Variants in CCDC171 observed in about 807,000 individuals in gnomAD.
CCDC171 encodes coiled-coil domain-containing protein 171.
In CCDC171, 177 loss-of-function variants were observed where a neutral mutation model predicts 168.2. The ratio of observed to expected loss-of-function variants is 1.05; its 90% CI spans 0.93 to 1.19. The LOEUF is 1.19. Among genes scored for constraint, CCDC171 ranks in the 50% most tolerant of loss-of-function variants. The pLI is 0.00. For synonymous variants in CCDC171, 687 were observed against 540.8 expected (o/e 1.27, Z -3.75); for missense variants, 1,991 against 1,539.0 (o/e 1.29, Z -4.91).
intron 18 of CCDC171, among the ~76,000 whole-genome samples, chr9:15,769,927 G>A (rs2056926077): frequency 6.6e-6 from 1 of 152,098 alleles, no homozygotes; most frequent in South Asian, 2.1e-4. Flanking sequence ...CATAAAATTT[G>A]AACCATGGAT....
At chr9:15,694,214 C>A (rs2051038639) in intron 10 of CCDC171, among the ~76,000 whole-genome samples, 1 of 152,098 alleles carries the variant, frequency 6.6e-6, no homozygotes, top group African/African-American at 2.4e-5. Flanking sequence ...TTGTCCTAGG[C>A]TCTTTTCATT....
intron 11 of CCDC171, among the ~76,000 whole-genome samples, chr9:15,698,911 G>C (rs1001397588): frequency 6.6e-6 from 1 of 152,072 alleles, no homozygotes. Context: ...CTATATCTTG[G>C]TTATTGTGAA....
At chr9:15,631,803 A>G (rs1587587708) in intron 7 of CCDC171, among the ~76,000 whole-genome samples, 1 of 152,360 alleles carries the variant, frequency 6.6e-6, no homozygotes, top group East Asian at 1.9e-4. Flanking sequence ...CCAGCAGCAC[A>G]TCAAAAAGCT....
At position 15,990,968 on chromosome 9, in the gene CCDC171, A is replaced by T. The variant is rs577518765; in HGVS notation, n.369-29621A>T. Among the ~76,000 whole-genome samples the T allele has an allele frequency of 5.9e-5, 9 of 152,308 alleles. No homozygotes were observed. In the South Asian group the frequency reaches 1.9e-3, roughly 32 times the overall value. On this transcript the variant is annotated intron_variant and non_coding_transcript_variant, in intron 3 of 9. Coordinates refer to the CCDC171 transcript ENST00000486641. ...ACAAAGAGACTTAGACTCCCACACA[A>T]TAATAATGGGAGACTTTAACACCCC...
intron 3 of CCDC171, among the ~76,000 whole-genome samples, chr9:16,008,884 C>G (rs1480323123): frequency 6.6e-6 from 1 of 152,172 alleles, no homozygotes; most frequent in Non-Finnish European, 1.5e-5. Context: ...CTATCTCCCA[C>G]CCTAGCCCTC....
intron 9 of CCDC171, among the ~76,000 whole-genome samples, chr9:15,673,025 T>C (rs2049237189): frequency 6.6e-6 from 1 of 152,228 alleles, no homozygotes; most frequent in Admixed American, 6.5e-5. Context: ...TCCTCTTTTA[T>C]TTCCTTGAGC....
intron 3 of CCDC171, among the ~76,000 whole-genome samples, chr9:16,000,486 C>A (rs1462670356): frequency 6.6e-6 from 1 of 152,042 alleles, no homozygotes; most frequent in African/African-American, 2.4e-5. Flanking sequence ...TTAACACTTT[C>A]CATTTTCTAA....
chr9:15,743,486 C>A (rs755848979), intron 16 of CCDC171, among the ~76,000 whole-genome samples: 1 of 152,046 alleles, frequency 6.6e-6, no homozygotes, highest in Non-Finnish European at 1.5e-5. Context: ...TAATTTTACT[C>A]TTTCTTTCAA....
chr9:15,557,651 G>T (rs2038921212), intron 1 of CCDC171, among the ~76,000 whole-genome samples: 1 of 152,116 alleles, frequency 6.6e-6, no homozygotes, highest in Non-Finnish European at 1.5e-5. Flanking sequence ...AGACGATGGG[G>T]TTTTCTAAAT....
rs140466017 is a variant in CCDC171, at chr9:15,923,788, G to A, written c.3753+3366G>A. Reference sequence around the variant, plus strand: ...TTTCATCTTGCAATTAAAAAATAGAGAACTTTTTTTCTCGCATTACAGGAA... The same window carrying A: ...TTTCATCTTGCAATTAAAAAATAGAAAACTTTTTTTCTCGCATTACAGGAA... On this transcript the variant is annotated intron_variant, in intron 25 of 25. Coordinates refer to ENST00000380701, the MANE Select transcript of CCDC171 (RefSeq NM_173550.4). Among the ~76,000 whole-genome samples the A allele has an allele frequency of 6.1e-3, 922 of 151,426 alleles. 11 individuals carry two copies. The highest frequency in any genetic ancestry group is 0.027 in the Middle Eastern group (8 of 294).
At chr9:15,715,289 C>A (rs771267082) in intron 11 of CCDC171, among the ~76,000 whole-genome samples, 1 of 152,072 alleles carries the variant, frequency 6.6e-6, no homozygotes, top group Non-Finnish European at 1.5e-5. Context: ...ACCATTTTTC[C>A]TAAACACTCT....
chr9:15,636,029 C>G (rs2046175633), intron 7 of CCDC171, among the ~76,000 whole-genome samples: 5 of 152,124 alleles, frequency 3.3e-5, no homozygotes, highest in Admixed American at 3.3e-4. Flanking sequence ...TTGCATTTCT[C>G]TGATGATTGA....
intron 2 of CCDC171, among the ~76,000 whole-genome samples, chr9:15,569,847 A>AAAC (rs2040074002): frequency 9.1e-5 from 4 of 43,850 alleles, no homozygotes; most frequent in African/African-American, 2.7e-4. Context: ...ACAAACAAAC[A>AAAC]AAAAAAAAAT....
intron 21 of CCDC171, among the ~76,000 whole-genome samples, chr9:15,828,020 T>C (rs1282457226): frequency 6.6e-6 from 1 of 152,194 alleles, no homozygotes. Context: ...AGAGTAAATG[T>C]AGAGGATATA....
At chr9:16,034,164 C>G (rs1248393796) in intron 6 of CCDC171, among the ~76,000 whole-genome samples, 1 of 152,226 alleles carries the variant, frequency 6.6e-6, no homozygotes, top group African/African-American at 2.4e-5. Flanking sequence ...CGTGCACTGA[C>G]AGGTGCTAGG....
rs71325929 is a variant in CCDC171 at position 15,677,879 on chromosome 9, CATATATATATATAT to C, written c.1077-845_1077-832del. On this transcript the variant is annotated intron_variant, in intron 9 of 25. Coordinates refer to ENST00000380701, the MANE Select transcript of CCDC171 (RefSeq NM_173550.4). ...TGTATATATATATGTGTGTGTGTGTCATATATATATATATATATATATATATATATATATATATA... is the reference window on the plus strand; with the variant it reads ...TGTATATATATATGTGTGTGTGTGTCATATATATATATATATATATATATA... Among the ~76,000 whole-genome samples the C allele has an allele frequency of 3.7e-3, 46 of 12,482 alleles. 1 individual carries two copies. The highest frequency in any genetic ancestry group is 0.01 in the African/African-American group (46 of 4,394). The allele number at this position is 12,482 out of a possible 152,430, so 8.2% of individuals were successfully genotyped here.
chr9:15,944,695 A>G (rs1238926937), intron 25 of CCDC171, among the ~76,000 whole-genome samples: 2 of 151,922 alleles, frequency 1.3e-5, no homozygotes, highest in Admixed American at 1.3e-4. Context: ...TGTTAATGCC[A>G]TTTCCTTTAT....
At chr9:15,571,335 T>C (rs759224974) in intron 2 of CCDC171, among the ~76,000 whole-genome samples, 33 of 152,208 alleles carry the variant, frequency 2.2e-4, no homozygotes, top group Non-Finnish European at 4.3e-4. Flanking sequence ...TCTTCCAAAA[T>C]TATCCAGCTT....
At chr9:16,016,212 C>T (rs1833010711) in intron 3 of CCDC171, among the ~76,000 whole-genome samples, 1 of 152,034 alleles carries the variant, frequency 6.6e-6, no homozygotes, top group Non-Finnish European at 1.5e-5. Flanking sequence ...GGCAGTATAT[C>T]CTGTCAAATT....
Sources: allele counts gnomAD v4.1 joint callset (sites outside exome capture counted in the v4.1 genomes callset), GRCh38; gene constraint gnomAD v4.1.1; transcripts MANE v1.5; gene names NCBI Gene and HGNC (gene_info 2026-07-23, HGNC 2026-07-21).